HECTD4: variants seen among roughly 807,000 people sequenced by gnomAD.
HECTD4 encodes probable E3 ubiquitin-protein ligase HECTD4.
Under a neutral mutation model 471.5 loss-of-function variants are expected in HECTD4, and 114 were observed. That is an observed-to-expected ratio of 0.24 (90% CI 0.21 to 0.28). The LOEUF is 0.28. Among genes scored for constraint, HECTD4 ranks in the 10% least tolerant of loss-of-function variants. The pLI is 1.00. For synonymous variants in HECTD4, 2,012 were observed against 2,256.0 expected (o/e 0.89, Z 3.07); for missense variants, 3,866 against 5,651.5 (o/e 0.68, Z 10.13).
intron 7 of HECTD4, among the ~76,000 whole-genome samples, chr12:112,298,343 G>A (rs899179228): frequency 5.9e-5 from 9 of 152,030 alleles, no homozygotes; most frequent in African/African-American, 2.2e-4. Context: ...CTGTCCCCTA[G>A]CCCCTTTTAT....
At chr12:112,229,643 T>C (rs371044336) in intron 41 of HECTD4, 55 bp downstream of exon 41, 3 of 1,493,994 alleles carry the variant, frequency 2.0e-6, no homozygotes, top group Admixed American at 3.9e-5. Flanking sequence ...AATTAATTAA[T>C]GGATGCTTAT....
intron 67 of HECTD4, among the ~76,000 whole-genome samples, chr12:112,171,905 T>C (rs907204058): frequency 6.6e-6 from 1 of 152,126 alleles, no homozygotes; most frequent in Non-Finnish European, 1.5e-5. Flanking sequence ...TTGTGTGCAA[T>C]CCTAGTTTTT....
intron 37 of HECTD4, among the ~76,000 whole-genome samples, chr12:112,233,461 C>G (rs1324352340): frequency 6.6e-6 from 1 of 151,862 alleles, no homozygotes. Context: ...GGGCTCAAGC[C>G]ATCCTCCTGC....
chr12:112,170,314 T>A lies in HECTD4; in HGVS notation c.12052+19A>T, dbSNP rs1273248424. 6.2e-7 allele frequency: 1 copy of A among 1,613,064 alleles called. No homozygotes were observed. The highest frequency in any genetic ancestry group is 1.1e-5 in the South Asian group (1 of 90,942). On this transcript the variant is annotated intron_variant, in intron 69 of 75. Transcript: ENST00000682272. ...GGCACTGCCATTTTGCATTTTTTGC[T>A]CTCCGCAGCCAACCCCACCTCCCAC...
At chr12:112,297,748 T>C (rs778978506) in intron 7 of HECTD4, among the ~76,000 whole-genome samples, 1 of 152,078 alleles carries the variant, frequency 6.6e-6, no homozygotes, top group Non-Finnish European at 1.5e-5. Flanking sequence ...TCTGTGCACA[T>C]ACAAGCAAAC....
chr12:112,167,925 A>T lies in HECTD4; in HGVS notation c.12209-8T>A, dbSNP rs2137002003. 6.2e-7 allele frequency: 1 copy of T among 1,610,876 alleles called. No individual in the cohort carries two copies. Among genetic ancestry groups the T allele is most frequent in the Non-Finnish European group, 8.5e-7 (1 of 1,177,530 alleles). On this transcript the variant is annotated splice_polypyrimidine_tract_variant and splice_region_variant and intron_variant, in intron 70 of 75. Coordinates refer to ENST00000682272, the MANE Select transcript of HECTD4 (RefSeq NM_001388303.1). ...AGTGGCGGAAAGAGCCGCCTGTAGG[A>T]CAGACGAGACACATGGGCACCTGGG...
chr12:112,286,710 A>G (rs1027449965), intron 7 of HECTD4, among the ~76,000 whole-genome samples: 4 of 152,290 alleles, frequency 2.6e-5, no homozygotes, highest in African/African-American at 9.6e-5. Flanking sequence ...CCACCAAAAA[A>G]AAAGGTAAAA....
At chr12:112,321,372 A>G (rs1258896458) in intron 1 of HECTD4, among the ~76,000 whole-genome samples, 1 of 152,218 alleles carries the variant, frequency 6.6e-6, no homozygotes, top group Non-Finnish European at 1.5e-5. Context: ...TACAATGCAA[A>G]GAGTTTATGC....
Position 112,203,765 on chromosome 12 carries a change from T to C in HECTD4, c.8277A>G (p.Thr2759=). 5 of 1,607,508 alleles carry C rather than the reference T, an allele frequency of 3.1e-6. No individual in the cohort carries two copies. Among genetic ancestry groups the C allele is most frequent in the Non-Finnish European group, 4.3e-6 (5 of 1,176,146 alleles). ...TGCTGTCTGGAGAGCGGGTTACTACTGTGAGACCTGAGGAGTGTAGAGGGA... is the reference window on the plus strand; with the variant it reads ...TGCTGTCTGGAGAGCGGGTTACTACCGTGAGACCTGAGGAGTGTAGAGGGA... ...FTIDKVRKGL[T]VVTRSPDSNN... The change falls in exon 54 of 76, where the codon ACA becomes ACG. Residue 2759 remains threonine, a synonymous_variant. Coordinates refer to ENST00000682272, the MANE Select transcript of HECTD4 (RefSeq NM_001388303.1).
rs567333775 is a variant in HECTD4, at chr12:112,274,859, C to T, written c.1789G>A (p.Val597Ile). 2.9e-5 allele frequency: 45 copies of T among 1,545,596 alleles called. No homozygotes were observed. In the East Asian group the frequency reaches 9.0e-4, roughly 31 times the overall value. The change falls in exon 10 of 76, where the codon GTA becomes ATA. Residue 597 changes from valine (V) to isoleucine (I), a missense_variant. This residue lies in a region of HECTD4 where 525 missense variants were observed against 672.6 expected (regional missense o/e 0.78). Transcript: ENST00000682272. ...GTTTATTTCTTACCCAATCCTGGTACGAGAGCACCACGCCCCAGTGAGCTT... is the reference window on the plus strand; with the variant it reads ...GTTTATTTCTTACCCAATCCTGGTATGAGAGCACCACGCCCCAGTGAGCTT... Reference protein sequence around the residue: ...AGSSLGRGALVPGLGACYDTV... With the variant: ...AGSSLGRGALIPGLGACYDTV...
At chr12:112,260,151 A>G (rs1465871900) in intron 18 of HECTD4, among the ~76,000 whole-genome samples, 3 of 152,056 alleles carry the variant, frequency 2.0e-5, no homozygotes, top group African/African-American at 7.2e-5. Flanking sequence ...CCCGGCAACC[A>G]CCATTCTACT....
chr12:112,184,490 G>A lies in HECTD4; in HGVS notation c.10476C>T (p.Ala3492=), dbSNP rs761518392. 1.9e-6 allele frequency: 3 copies of A among 1,608,638 alleles called. No individual in the cohort carries two copies. Among genetic ancestry groups the A allele is most frequent in the Non-Finnish European group, 2.5e-6 (3 of 1,178,016 alleles). ...SISASASTSQ[A]SICSSQGISQ... ...AGATGCCCTGCGAGCTGCAGATGGA[G>A]GCCTGGCTGGTGGAGGCGGAGGCGC... Residue 3492 remains alanine (A), a synonymous_variant, in exon 61 of 76, where the codon GCC becomes GCT. Transcript: ENST00000682272. The surrounding 1 kb of genome is among the most constrained non-coding windows in gnomAD (Gnocchi z 9.1).
In HECTD4 at chr12:112,363,268, A is replaced by T. The variant is rs535293434; in HGVS notation, c.177+18684T>A. Among the ~76,000 whole-genome samples, 357 of 149,012 alleles carry T rather than the reference A, an allele frequency of 2.4e-3. 1 individual carries two copies. Among genetic ancestry groups the T allele is most frequent in the Middle Eastern group, 3.5e-3 (1 of 282 alleles). On this transcript the variant is annotated intron_variant, in intron 1 of 75. Coordinates refer to ENST00000682272, the MANE Select transcript of HECTD4 (RefSeq NM_001388303.1). ...TGTGTATACACACAAGCATACACAC[A>T]CTCTCTCTCTCTCTCTTATATATAA...
chr12:112,170,438 C>T lies in HECTD4; in HGVS notation c.11947G>A (p.Asp3983Asn), dbSNP rs765327947. The T allele has an allele frequency of 6.2e-7, 1 of 1,613,902 alleles. No individual in the cohort carries two copies. Among genetic ancestry groups the T allele is most frequent in the East Asian group, 2.2e-5 (1 of 44,886 alleles). ...LKEAKGLIFYDTKVTVMNRVL... is the reference protein window; with the variant it reads ...LKEAKGLIFYNTKVTVMNRVL... Reference sequence around the variant, plus strand: ...CGATTCATCACGGTCACCTTCGTGTCATAGAAGATCAGCCCTAAGGAGAGG... The same window carrying T: ...CGATTCATCACGGTCACCTTCGTGTTATAGAAGATCAGCCCTAAGGAGAGG... Residue 3983 changes from aspartate (D) to asparagine (N), a missense_variant, in exon 69 of 76, where the codon GAC becomes AAC. Asp to Asn is a conservative substitution (Grantham distance 23). Coordinates refer to ENST00000682272, the MANE Select transcript of HECTD4 (RefSeq NM_001388303.1).
At chr12:112,275,004 T>C (rs1196053233) in intron 9 of HECTD4, 44 bp from the exon 10 acceptor site, 3 of 1,164,834 alleles carry the variant, frequency 2.6e-6, no homozygotes, top group Admixed American at 4.7e-5. Flanking sequence ...CTGAAGATTA[T>C]TTTTAAAGTT....
chr12:112,202,378 G>A (rs2032456121), intron 54 of HECTD4, among the ~76,000 whole-genome samples: 1 of 151,684 alleles, frequency 6.6e-6, no homozygotes, highest in Non-Finnish European at 1.5e-5. Context: ...GCTAATTTTT[G>A]CATTTTTAGT....
chr12:112,241,700 T>A (rs1305179561), intron 32 of HECTD4, among the ~76,000 whole-genome samples: 2 of 152,178 alleles, frequency 1.3e-5, no homozygotes, highest in African/African-American at 4.8e-5. Flanking sequence ...CCTCAAGTGA[T>A]CCTCCTGCTT....
chr12:112,229,630 ATCAATTAATTAAT>A, intron 41 of HECTD4, 55 bp downstream of exon 41: 1 of 1,437,106 alleles, frequency 7.0e-7, no homozygotes, highest in Non-Finnish European at 9.5e-7. Context: ...CTTACAGATG[ATCAATTAATTAAT>A]GGATGCTTAT....
chr12:112,338,121 A>T lies in HECTD4; in HGVS notation c.178-18379T>A, dbSNP rs1008883259. Among the ~76,000 whole-genome samples the T allele has an allele frequency of 1.6e-4, 25 of 152,292 alleles. No individual in the cohort carries two copies. The East Asian group carries it at 4.4e-3, about 27-fold the overall frequency. ...GGGCTGCACTCCCTCCAGGGGCTCT[A>T]GTAAAGAATCGGTTTCTTGCTTCTT... On this transcript the variant is annotated intron_variant, in intron 1 of 75. Coordinates refer to ENST00000682272, the MANE Select transcript of HECTD4 (RefSeq NM_001388303.1).
Sources: allele counts gnomAD v4.1 joint callset (sites outside exome capture counted in the v4.1 genomes callset), GRCh38; gene constraint gnomAD v4.1.1; regional missense constraint gnomAD v4.1.1; non-coding constraint Gnocchi (gnomAD v3.1); transcripts MANE v1.5; gene names NCBI Gene and HGNC (gene_info 2026-07-23, HGNC 2026-07-21).